Variants in GFOD1 observed in about 807,000 individuals in gnomAD.
GFOD1 encodes the protein Gfo/Idh/MocA-like oxidoreductase domain containing 1.
A neutral mutation model predicts 25.4 loss-of-function variants in GFOD1; 9 were observed. The ratio of observed to expected loss-of-function variants is 0.35; its 90% CI spans 0.21 to 0.62. The LOEUF is 0.62. Ranked by LOEUF, GFOD1 falls within the 20% of genes least tolerant of loss-of-function variation. GFOD1 has a pLI of 0.72. For missense variants in GFOD1, 403 were observed against 556.9 expected, an observed-to-expected ratio of 0.72 and a Z score of 2.78; for synonymous variants, 253 against 245.6, an observed-to-expected ratio of 1.03 and a Z score of -0.28.
chr6:13,465,326 GGTT>G (rs1758361118), intron 1 of GFOD1, among the ~76,000 whole-genome samples: 1 of 152,178 alleles, frequency 6.6e-6, no homozygotes. Flanking sequence ...CACAGGCAGG[GGTT>G]GGACAAGCTT....
chr6:13,449,523 T>A (rs908656054), intron 1 of GFOD1, among the ~76,000 whole-genome samples: 3 of 152,230 alleles, frequency 2.0e-5, no homozygotes, highest in African/African-American at 4.8e-5. Flanking sequence ...TGCTAAGTGA[T>A]AGGGTTTGGC....
chr6:13,472,422 T>C (rs1758529314), intron 1 of GFOD1, among the ~76,000 whole-genome samples: 1 of 152,236 alleles, frequency 6.6e-6, no homozygotes, highest in African/African-American at 2.4e-5. Context: ...TAGTTCACCA[T>C]AATAAGTTCT....
At chr6:13,481,416 A>G (rs1395514873) in intron 1 of GFOD1, among the ~76,000 whole-genome samples, 2 of 152,272 alleles carry the variant, frequency 1.3e-5, no homozygotes, top group Admixed American at 6.5e-5. Context: ...GCCGGAATAT[A>G]GAGTCCAGGA....
chr6:13,429,570 C>T (rs567235682), intron 1 of GFOD1, among the ~76,000 whole-genome samples: 5 of 152,206 alleles, frequency 3.3e-5, no homozygotes, highest in African/African-American at 7.2e-5. Flanking sequence ...TGGCCAGAAA[C>T]GTAGTCAGGT....
chr6:13,446,386 CG>C (rs1412006486), intron 1 of GFOD1, among the ~76,000 whole-genome samples: 5 of 152,230 alleles, frequency 3.3e-5, no homozygotes, highest in African/African-American at 1.2e-4. Context: ...TGTTAGAACC[CG>C]GGGGACCACT....
intron 1 of GFOD1, among the ~76,000 whole-genome samples, chr6:13,450,840 T>C (rs1422015566): frequency 2.0e-5 from 3 of 152,174 alleles, no homozygotes; most frequent in Non-Finnish European, 2.9e-5. Context: ...CGAAGGAAAC[T>C]GTTTATCAGT....
At chr6:13,452,586 A>AT (rs1396534271) in intron 1 of GFOD1, among the ~76,000 whole-genome samples, 3 of 152,128 alleles carry the variant, frequency 2.0e-5, no homozygotes, top group Non-Finnish European at 4.4e-5. Flanking sequence ...CAACATATAA[A>AT]TTTTGCAAGG....
In GFOD1 at chr6:13,467,120, AAAG is replaced by A. The variant is rs561640574; in HGVS notation, c.253+19515_253+19517del. Among the ~76,000 whole-genome samples the A allele has an allele frequency of 5.3e-3, 810 of 152,328 alleles. 11 individuals are homozygous for A. Among genetic ancestry groups the A allele is most frequent in the African/African-American group, 0.019 (772 of 41,570 alleles). ...TTGTGTAACTGATTTCAAAAAAAAA[AAAG>A]AAGCAATAGCAGAAGCCAAGTGAAC... On this transcript the variant is annotated intron_variant, in intron 1 of 1. Coordinates refer to ENST00000379287, the MANE Select transcript of GFOD1 (RefSeq NM_018988.4).
chr6:13,406,194 G>C (rs1468697018), intron 1 of GFOD1, among the ~76,000 whole-genome samples: 1 of 152,220 alleles, frequency 6.6e-6, no homozygotes, highest in African/African-American at 2.4e-5. Context: ...TCTGGCCCCA[G>C]GATTTTGCTG....
chr6:13,456,898 C>T (rs748679341), intron 1 of GFOD1, among the ~76,000 whole-genome samples: 5 of 152,192 alleles, frequency 3.3e-5, no homozygotes, highest in African/African-American at 4.8e-5. Flanking sequence ...AGACCTCCTA[C>T]AGACTGTGGT....
intron 1 of GFOD1, among the ~76,000 whole-genome samples, chr6:13,389,973 C>G (rs9474092): frequency 2.6e-5 from 4 of 151,974 alleles, no homozygotes; most frequent in South Asian, 2.1e-4. Context: ...ACAAGTTCAG[C>G]CCCCCGTGCA....
chr6:13,474,265 G>C (rs62385801), intron 1 of GFOD1, among the ~76,000 whole-genome samples: 4,997 of 152,266 alleles, frequency 0.033, 114 homozygotes, highest in African/African-American at 0.06. Flanking sequence ...TGTAATTCCA[G>C]CTACTGGGGA....
At chr6:13,463,315 A>G (rs1465648389) in intron 1 of GFOD1, among the ~76,000 whole-genome samples, 1 of 152,218 alleles carries the variant, frequency 6.6e-6, no homozygotes, top group East Asian at 1.9e-4. Flanking sequence ...GGGCAGGCAC[A>G]GGGCAGCAAC....
intron 1 of GFOD1, among the ~76,000 whole-genome samples, chr6:13,431,328 T>G (rs1480658314): frequency 1.3e-5 from 2 of 152,212 alleles, no homozygotes; most frequent in Non-Finnish European, 2.9e-5. Context: ...GTTAAGCAAT[T>G]GTTCCAAGGT....
At chr6:13,461,589 C>G (rs577944112) in intron 1 of GFOD1, among the ~76,000 whole-genome samples, 1 of 152,268 alleles carries the variant, frequency 6.6e-6, no homozygotes, top group Admixed American at 6.5e-5. Context: ...ACCACTCTGC[C>G]CCCACATTGC....
At chr6:13,434,774 A>T (rs1471982241) in intron 1 of GFOD1, among the ~76,000 whole-genome samples, 1 of 152,230 alleles carries the variant, frequency 6.6e-6, no homozygotes, top group Non-Finnish European at 1.5e-5. Context: ...AGTAAATAGA[A>T]GCATAGTAGG....
chr6:13,424,495 C>T (rs1163624789), intron 1 of GFOD1, among the ~76,000 whole-genome samples: 1 of 152,100 alleles, frequency 6.6e-6, no homozygotes, highest in Non-Finnish European at 1.5e-5. Context: ...CAAGAGAATA[C>T]TTTAATACTT....
intron 1 of GFOD1, among the ~76,000 whole-genome samples, chr6:13,372,565 G>T (rs145235402): frequency 6.0e-4 from 92 of 152,274 alleles, no homozygotes; most frequent in African/African-American, 2.1e-3. Flanking sequence ...GATCCAAATG[G>T]TACCCCTGGG....
intron 1 of GFOD1, among the ~76,000 whole-genome samples, chr6:13,453,293 T>C (rs192247634): frequency 4.6e-5 from 7 of 152,374 alleles, no homozygotes; most frequent in Non-Finnish European, 8.8e-5. Flanking sequence ...ACTTTATGTC[T>C]CTGTCTCTCA....
Sources: gnomAD v4.1 joint callset for allele counts (sites outside exome capture counted in the v4.1 genomes callset) on GRCh38, gnomAD v4.1.1 for gene constraint, MANE v1.5 for transcripts, NCBI Gene and HGNC (gene_info 2026-07-23, HGNC 2026-07-21) for gene names.